The following CACNA2D3 variants were observed in gnomAD, a reference collection of about 807,000 sequenced individuals.
CACNA2D3 encodes the protein calcium voltage-gated channel auxiliary subunit alpha2delta 3.
A neutral mutation model predicts 160.6 loss-of-function variants in CACNA2D3; 60 were observed. The observed-to-expected ratio is 0.37, with a 90% CI of 0.30 to 0.46. CACNA2D3 has a LOEUF of 0.46. Among genes scored for constraint, CACNA2D3 ranks in the 20% least tolerant of loss-of-function variants. The pLI, the probability that CACNA2D3 is intolerant of heterozygous loss-of-function variation, is 1.00. For missense variants in CACNA2D3, 1,205 were observed against 1,365.0 expected, an observed-to-expected ratio of 0.88 and a Z score of 1.85; for synonymous variants, 558 against 492.9, an observed-to-expected ratio of 1.13 and a Z score of -1.75.
chr3:54,798,792 C>T (rs1174929294), intron 13 of CACNA2D3, among the ~76,000 whole-genome samples: 1 of 152,164 alleles, frequency 6.6e-6, no homozygotes, highest in Admixed American at 6.5e-5. Flanking sequence ...TTTCAGCACA[C>T]AAGAGTTTTT....
chr3:54,219,843 G>C (rs1046334254), intron 2 of CACNA2D3, among the ~76,000 whole-genome samples: 1 of 151,818 alleles, frequency 6.6e-6, no homozygotes, highest in Non-Finnish European at 1.5e-5. Context: ...GGTTGAATAG[G>C]GCATATCTGG....
rs146092895 is a variant in CACNA2D3 at position 54,874,404 on chromosome 3, T to C, written c.1710+2782T>C. On this transcript the variant is annotated intron_variant, in intron 18 of 37. Coordinates refer to ENST00000474759, the MANE Select transcript of CACNA2D3 (RefSeq NM_018398.3). ...TCCCCTCTGGGAAGGGAAAATTATC[T>C]TAAAAATAGCGTTTATCCTTTGGTT... 4.3e-3 allele frequency among the ~76,000 whole-genome samples: 573 copies of C among 134,152 alleles called. 2 individuals carry two copies. The highest frequency in any genetic ancestry group is 0.015 in the African/African-American group (543 of 35,978). 88.0% of individuals were successfully genotyped at this position (134,152 alleles called of 152,430 possible).
At chr3:54,676,933 G>A (rs1192122739) in intron 11 of CACNA2D3, among the ~76,000 whole-genome samples, 2 of 152,166 alleles carry the variant, frequency 1.3e-5, no homozygotes, top group African/African-American at 4.8e-5. Flanking sequence ...TCAGATGTCC[G>A]TAATGCATTA....
intron 2 of CACNA2D3, among the ~76,000 whole-genome samples, chr3:54,191,423 A>G (rs984008105): frequency 6.6e-6 from 1 of 151,890 alleles, no homozygotes; most frequent in Admixed American, 6.6e-5. Context: ...CATCATCATC[A>G]TCATCATCAT....
chr3:55,032,185 A>G (rs1245569016), intron 35 of CACNA2D3, among the ~76,000 whole-genome samples: 1 of 152,192 alleles, frequency 6.6e-6, no homozygotes, highest in Non-Finnish European at 1.5e-5. Context: ...CAGAGCCACT[A>G]TGTGCTGGAG....
intron 35 of CACNA2D3, among the ~76,000 whole-genome samples, chr3:55,039,865 G>A (rs779202329): frequency 3.3e-5 from 5 of 152,118 alleles, no homozygotes; most frequent in African/African-American, 4.8e-5. Flanking sequence ...TAAATCAAGT[G>A]CTCATGCTAA....
intron 11 of CACNA2D3, among the ~76,000 whole-genome samples, chr3:54,702,288 A>G (rs1700782300): frequency 6.6e-6 from 1 of 152,218 alleles, no homozygotes; most frequent in Non-Finnish European, 1.5e-5. Context: ...GAGCTTCTGC[A>G]CAGCAAAAGA....
At chr3:54,639,483 G>A (rs527494) in intron 10 of CACNA2D3, 116,294 of 152,090 alleles carry the variant, frequency 0.76, 44,985 homozygotes, top group African/African-American at 0.83. Context: ...CTCTACCAGA[G>A]AATGAAAGGA....
intron 3 of CACNA2D3, among the ~76,000 whole-genome samples, chr3:54,350,568 G>C (rs966653445): frequency 6.6e-6 from 1 of 152,136 alleles, no homozygotes; most frequent in Non-Finnish European, 1.5e-5. Flanking sequence ...CTGCAAAATA[G>C]TTCACACTTT....
At chr3:54,231,341 A>G (rs1701767272) in intron 2 of CACNA2D3, among the ~76,000 whole-genome samples, 1 of 152,224 alleles carries the variant, frequency 6.6e-6, no homozygotes, top group Admixed American at 6.5e-5. Flanking sequence ...TCATGGAAGC[A>G]CAGATCCACC....
chr3:54,390,958 A>T (rs78489607), intron 4 of CACNA2D3, among the ~76,000 whole-genome samples: 1 of 152,168 alleles, frequency 6.6e-6, no homozygotes, highest in African/African-American at 2.4e-5. Flanking sequence ...AACCTACCCT[A>T]TTAGCTCAGG....
intron 3 of CACNA2D3, among the ~76,000 whole-genome samples, chr3:54,362,304 A>G (rs982514947): frequency 6.6e-6 from 1 of 152,168 alleles, no homozygotes; most frequent in Admixed American, 6.5e-5. Context: ...TTGAGGTCAT[A>G]GGACTGGGGT....
intron 13 of CACNA2D3, among the ~76,000 whole-genome samples, chr3:54,812,082 T>G (rs1360360056): frequency 6.6e-6 from 1 of 152,186 alleles, no homozygotes; most frequent in Non-Finnish European, 1.5e-5. Flanking sequence ...GATAACCTCA[T>G]AGGCCAGAAT....
chr3:54,927,876 T>C (rs1053303224), intron 27 of CACNA2D3: 5 of 1,613,246 alleles, frequency 3.1e-6, no homozygotes, highest in Non-Finnish European at 4.2e-6. Flanking sequence ...AGACAAGAAC[T>C]TTTCCAACGG....
intron 4 of CACNA2D3, among the ~76,000 whole-genome samples, chr3:54,490,701 G>T (rs1217272328): frequency 2.6e-5 from 4 of 152,206 alleles, no homozygotes. Flanking sequence ...GGATGCATAG[G>T]TGGCTACCTG....
At chr3:54,510,502 A>G (rs1167566502) in intron 5 of CACNA2D3, among the ~76,000 whole-genome samples, 1 of 152,158 alleles carries the variant, frequency 6.6e-6, no homozygotes, top group East Asian at 1.9e-4. Flanking sequence ...CCCAAAATCC[A>G]AGTGAGAAAA....
chr3:54,562,703 A>G, intron 5 of CACNA2D3, 97 bp from the exon 6 acceptor site: 1 of 1,027,704 alleles, frequency 9.7e-7, no homozygotes, highest in Non-Finnish European at 1.4e-6. Context: ...AAGATGGAGT[A>G]CCTTGTGCCA....
chr3:54,272,613 C>T (rs760603339), intron 2 of CACNA2D3, among the ~76,000 whole-genome samples: 3 of 152,066 alleles, frequency 2.0e-5, no homozygotes, highest in Non-Finnish European at 4.4e-5. Context: ...AGATGCTTGT[C>T]CCAGACACAG....
At chr3:54,914,705 A>G (rs892788564) in intron 27 of CACNA2D3, among the ~76,000 whole-genome samples, 2 of 152,362 alleles carry the variant, frequency 1.3e-5, no homozygotes, top group Non-Finnish European at 2.9e-5. Context: ...AGTCTAAAAA[A>G]TAAAGCATTT....
Sources: allele counts gnomAD v4.1 joint callset (sites outside exome capture counted in the v4.1 genomes callset), GRCh38; gene constraint gnomAD v4.1.1; transcripts MANE v1.5; gene names NCBI Gene and HGNC (gene_info 2026-07-23, HGNC 2026-07-21).